Variants in YEATS2 observed in about 807,000 individuals in gnomAD.
The protein encoded by YEATS2 is YEATS domain containing 2, also known as YEATS domain-containing protein 2.
A neutral mutation model predicts 163.2 loss-of-function variants in YEATS2; 77 were observed. The observed-to-expected ratio is 0.47, with a 90% confidence interval of 0.39 to 0.57. The LOEUF is 0.57. YEATS2 is among the 20% of genes least tolerant of loss of function. The probability of loss-of-function intolerance (pLI) is 0.00; values close to 1 mark genes in which losing one functional copy is unlikely to be tolerated. For missense variants in YEATS2, 1,549 were observed against 1,729.8 expected, an observed-to-expected ratio of 0.90 and a Z score of 1.85; for synonymous variants, 631 against 645.1, an observed-to-expected ratio of 0.98 and a Z score of 0.33.
At chr3:183,733,650 A>G (rs1490735530) in intron 7 of YEATS2, among the ~76,000 whole-genome samples, 1 of 152,192 alleles carries the variant, frequency 6.6e-6, no homozygotes, top group East Asian at 1.9e-4. Flanking sequence ...GGCTGCCTTC[A>G]AACTTGGGGT....
At chr3:183,714,748 T>C (rs75621806) in intron 1 of YEATS2, among the ~76,000 whole-genome samples, 3,667 of 152,294 alleles carry the variant, frequency 0.024, 150 homozygotes, top group African/African-American at 0.084. Context: ...AGACACTGTG[T>C]GGGCTAACCA....
chr3:183,740,869 G>T (rs1216443184), intron 8 of YEATS2, among the ~76,000 whole-genome samples: 1 of 152,250 alleles, frequency 6.6e-6, no homozygotes, highest in Non-Finnish European at 1.5e-5. Context: ...CATAGCTAGA[G>T]AGGAGAAGTC....
Position 183,807,078 on chromosome 3 carries a change from G to T in YEATS2, c.3997G>T (p.Asp1333Tyr). ...AACCCCAGGGTCTGAATTTATTGGG[G>T]ATGTCACACAGAAGGTAGGGGTTGT... ...PPTPGSEFIG[D>Y]VTQKIGITLQ... is the part of the protein sequence containing the mutation. Residue 1333 changes from aspartate (D) to tyrosine (Y), a missense_variant, in exon 28 of 31, where the codon GAT (aspartate) becomes TAT (tyrosine). Physicochemically the swap from Asp to Tyr is radical, Grantham distance 160. Transcript: ENST00000305135. 6.2e-7 allele frequency: 1 copy of T among 1,613,476 alleles called. No individual in the cohort carries two copies. Among genetic ancestry groups the T allele is most frequent in the Non-Finnish European group, 8.5e-7 (1 of 1,179,840 alleles).
chr3:183,711,246 G>A (rs1351423468), intron 1 of YEATS2, among the ~76,000 whole-genome samples: 63 of 152,036 alleles, frequency 4.1e-4, no homozygotes, highest in South Asian at 2.1e-4. Context: ...CAAGGCGGGC[G>A]GATCACGAGG....
chr3:183,777,434 G>A, intron 18 of YEATS2, 108 bp from the exon 19 acceptor site: 4 of 1,183,630 alleles, frequency 3.4e-6, no homozygotes, highest in East Asian at 2.5e-5. Flanking sequence ...AAAGGGGAGA[G>A]CGTTGTAGCT....
intron 7 of YEATS2, among the ~76,000 whole-genome samples, chr3:183,736,405 C>T (rs543034430): frequency 3.3e-5 from 5 of 152,276 alleles, no homozygotes; most frequent in South Asian, 2.1e-4. Flanking sequence ...TAAAGATCCT[C>T]GCTCTCTAGT....
At chr3:183,744,924 C>A (rs926353280) in intron 8 of YEATS2, among the ~76,000 whole-genome samples, 5 of 152,100 alleles carry the variant, frequency 3.3e-5, no homozygotes, top group African/African-American at 7.2e-5. Flanking sequence ...AGTTTCGGCT[C>A]ACTGCAACCT....
In YEATS2 at chr3:183,756,642, T is replaced by A. The variant is rs1478248032; in HGVS notation, c.1505T>A (p.Met502Lys). 2 of 1,598,268 alleles carry A rather than the reference T, an allele frequency of 1.3e-6. No individual in the cohort carries two copies. Among genetic ancestry groups the A allele is most frequent in the South Asian group, 2.3e-5 (2 of 86,734 alleles). ...GSVINNPYVIMDKQPGQVIGA... is the reference protein window; with the variant it reads ...GSVINNPYVIKDKQPGQVIGA... ...GTTATTAATAATCCTTATGTTATCATGGACAAGCAGCCGGGGCAGGTGATT... is the reference window on the plus strand; with the variant it reads ...GTTATTAATAATCCTTATGTTATCAAGGACAAGCAGCCGGGGCAGGTGATT... The change falls in exon 12 of 31, where the codon ATG (methionine) becomes AAG (lysine). Residue 502 changes from methionine (M) to lysine (K), a missense_variant. By Grantham distance (95) the Met-to-Lys change is moderately conservative (BLOSUM62 -1). Coordinates refer to ENST00000305135, the MANE Select transcript of YEATS2 (RefSeq NM_018023.5).
chr3:183,727,956 T>G (rs1577067281), intron 6 of YEATS2, among the ~76,000 whole-genome samples: 2 of 152,134 alleles, frequency 1.3e-5, no homozygotes, highest in African/African-American at 4.8e-5. Context: ...TTTGCCTTTT[T>G]TTTTTTAAAT....
chr3:183,775,359 G>A (rs1025531144), intron 17 of YEATS2, among the ~76,000 whole-genome samples: 2 of 152,144 alleles, frequency 1.3e-5, no homozygotes, highest in Non-Finnish European at 2.9e-5. Context: ...GCACTTTGGA[G>A]GGCCAAGGCG....
Position 183,780,559 on chromosome 3 carries a change from C to G in YEATS2, c.2736+2859C>G, listed in dbSNP as rs62285775. Among the ~76,000 whole-genome samples the G allele has an allele frequency of 2.6e-5, 4 of 152,250 alleles. No homozygotes were observed. In the Middle Eastern group the frequency reaches 0.01, roughly 388 times the overall value. On this transcript the variant is annotated intron_variant, in intron 19 of 30. Coordinates refer to ENST00000305135, the MANE Select transcript of YEATS2 (RefSeq NM_018023.5). ...ATGCATTTATTTATTTATGCCTTTT[C>G]TGGTTTTTTTGGATTTGGCGCTGAG...
intron 2 of YEATS2, among the ~76,000 whole-genome samples, chr3:183,716,163 G>A (rs1715852652): frequency 6.6e-6 from 1 of 152,194 alleles, no homozygotes; most frequent in East Asian, 1.9e-4. Flanking sequence ...GTTTCACCGT[G>A]TTAGCCAGGA....
rs927413685 is a variant in YEATS2 at position 183,797,994 on chromosome 3, C to T, written c.3169C>T (p.Pro1057Ser). 18 of 1,614,038 alleles carry T rather than the reference C, an allele frequency of 1.1e-5. No homozygotes were observed. Among genetic ancestry groups the T allele is most frequent in the Non-Finnish European group, 1.5e-5 (18 of 1,180,014 alleles). The part of the protein sequence containing the change: ...AVLTIPSQLK[P>S]LSVNTSGGVQ... ...CCTGACGATTCCCAGCCAGCTCAAA[C>T]CACTCAGCGTAAACACATCTGGAGG... is the stretch of plus-strand genomic sequence containing the variant. Residue 1057 changes from proline to serine, a missense_variant, in exon 22 of 31, where the codon CCA becomes TCA. Coordinates refer to ENST00000305135, the MANE Select transcript of YEATS2 (RefSeq NM_018023.5).
At chr3:183,716,043 T>A (rs952740871) in intron 2 of YEATS2, among the ~76,000 whole-genome samples, 1 of 152,114 alleles carries the variant, frequency 6.6e-6, no homozygotes, top group African/African-American at 2.4e-5. Flanking sequence ...CACTGCAAGC[T>A]CTGCTTCCCC....
In YEATS2 at chr3:183,738,861, A is replaced by T. The variant is rs200301804; in HGVS notation, c.924+2032A>T. On this transcript the variant is annotated intron_variant, in intron 8 of 30. Transcript: ENST00000305135. ...TATTGTGAATAATGCCGCAATAAAC[A>T]TACGTGTGCATGTGTCTTTATAGGA... Among the ~76,000 whole-genome samples the T allele has an allele frequency of 0.011, 1,542 of 139,004 alleles. 60 individuals carry two copies. The East Asian group carries it at 0.14, about 13-fold the overall frequency. The allele number at this position is 139,004 out of a possible 152,430, so 91.2% of individuals were successfully genotyped here.
intron 1 of YEATS2, among the ~76,000 whole-genome samples, chr3:183,700,941 T>C (rs1212928883): frequency 1.3e-5 from 2 of 151,912 alleles, no homozygotes; most frequent in Admixed American, 1.3e-4. Flanking sequence ...GGTTGCTTTT[T>C]GGAGTGATGA....
At chr3:183,726,948 T>C (rs1294726333) in intron 6 of YEATS2, among the ~76,000 whole-genome samples, 1 of 152,110 alleles carries the variant, frequency 6.6e-6, no homozygotes, top group African/African-American at 2.4e-5. Flanking sequence ...ATTACAGACA[T>C]GCACCGCCAC....
chr3:183,771,837 C>T (rs1722511919), intron 15 of YEATS2, among the ~76,000 whole-genome samples: 1 of 151,042 alleles, frequency 6.6e-6, no homozygotes, highest in South Asian at 2.1e-4. Context: ...GGGGATTCTC[C>T]TACCTCAGCC....
At chr3:183,732,962 A>G (rs1454945105) in intron 7 of YEATS2, among the ~76,000 whole-genome samples, 2 of 151,496 alleles carry the variant, frequency 1.3e-5, no homozygotes, top group Non-Finnish European at 2.9e-5. Context: ...CTGGGCTCGA[A>G]CTGTCCTCCT....
Sources: gnomAD v4.1 joint callset for allele counts (sites outside exome capture counted in the v4.1 genomes callset) on GRCh38, gnomAD v4.1.1 for gene constraint, MANE v1.5 for transcripts, NCBI Gene and HGNC (gene_info 2026-07-23, HGNC 2026-07-21) for gene names.